The following COL23A1 variants were observed in gnomAD, a reference collection of about 807,000 sequenced individuals.
The protein encoded by COL23A1 is collagen type XXIII alpha 1 chain, also known as collagen alpha-1(XXIII) chain.
In COL23A1, 97 loss-of-function variants were observed where a neutral mutation model predicts 99.3. The observed-to-expected ratio is 0.98, with a 90% CI of 0.83 to 1.16. The LOEUF is 1.16. Among genes scored for constraint, COL23A1 ranks in the 50% most tolerant of loss-of-function variants. The pLI, the probability that COL23A1 is intolerant of heterozygous loss-of-function variation, is 0.00. For synonymous variants in COL23A1, 320 were observed against 308.2 expected, an observed-to-expected ratio of 1.04 and a Z score of -0.40; for missense variants, 762 against 757.4, an observed-to-expected ratio of 1.01 and a Z score of -0.07.
intron 2 of COL23A1, among the ~76,000 whole-genome samples, chr5:178,479,248 T>C (rs1393862725): frequency 6.6e-6 from 1 of 151,986 alleles, no homozygotes. Flanking sequence ...GAAATGGAGG[T>C]TCATAGGGGT....
At chr5:178,479,628 A>C (rs1252507959) in intron 2 of COL23A1, among the ~76,000 whole-genome samples, 2 of 152,196 alleles carry the variant, frequency 1.3e-5, no homozygotes, top group Non-Finnish European at 2.9e-5. Context: ...ACAAGTGGAG[A>C]AATGTGAATT....
At chr5:178,466,666 C>T (rs1412382377) in intron 2 of COL23A1, among the ~76,000 whole-genome samples, 1 of 152,234 alleles carries the variant, frequency 6.6e-6, no homozygotes, top group Non-Finnish European at 1.5e-5. Flanking sequence ...CTGCAGCCTG[C>T]AGCCCCTTGG....
intron 3 of COL23A1, among the ~76,000 whole-genome samples, chr5:178,299,328 CTT>C (rs1250233503): frequency 2.6e-5 from 4 of 152,180 alleles, no homozygotes; most frequent in African/African-American, 7.2e-5. Context: ...GAATCTTTCT[CTT>C]TGTTACAGGT....
chr5:178,296,254 A>G (rs1757733504), intron 3 of COL23A1, among the ~76,000 whole-genome samples: 1 of 152,182 alleles, frequency 6.6e-6, no homozygotes, highest in Admixed American at 6.5e-5. Context: ...AGCCCAGATG[A>G]GACGAAGGAG....
At chr5:178,256,624 G>A (rs962083498) in intron 14 of COL23A1, among the ~76,000 whole-genome samples, 1 of 152,210 alleles carries the variant, frequency 6.6e-6, no homozygotes, top group Admixed American at 6.5e-5. Flanking sequence ...TGGTGTCCAG[G>A]AGCCTGAGGC....
rs556099859 is a variant in COL23A1 at position 178,248,656 on chromosome 5, A to G, written c.1150-402T>C. Among the ~76,000 whole-genome samples the G allele has an allele frequency of 2.4e-4, 36 of 152,192 alleles. No individual in the cohort carries two copies. In the South Asian group the frequency reaches 7.3e-3, roughly 31 times the overall value. On this transcript the variant is annotated intron_variant, in intron 19 of 28. Coordinates refer to ENST00000390654, the MANE Select transcript of COL23A1 (RefSeq NM_173465.4). Reference sequence around the variant, plus strand: ...GAAAATCATGAGGACAACAGTGGGCATTTGCTGTGTGCCAGCCACCACTGT... The same window carrying G: ...GAAAATCATGAGGACAACAGTGGGCGTTTGCTGTGTGCCAGCCACCACTGT...
Position 178,590,233 on chromosome 5 carries a change from G to T in COL23A1, c.-36C>A. ...TCGCGCGTGGACTCTCCGAGGGGGCGGTGCTGCTGGGGCAGAGGCTGGGTG... is the reference window on the plus strand; with the variant it reads ...TCGCGCGTGGACTCTCCGAGGGGGCTGTGCTGCTGGGGCAGAGGCTGGGTG... On this transcript the variant is annotated 5_prime_UTR_variant, in exon 1 of 29. Coordinates refer to ENST00000390654, the MANE Select transcript of COL23A1 (RefSeq NM_173465.4). This position sits in a 1 kb window ranked among gnomAD's most constrained non-coding sequence, Gnocchi z 5.7. 8.3e-7 allele frequency: 1 copy of T among 1,206,482 alleles called. No individual in the cohort carries two copies. Among genetic ancestry groups the T allele is most frequent in the East Asian group, 3.4e-5 (1 of 29,020 alleles). The allele number at this position is 1,206,482 out of a possible 1,614,324, so 74.7% of individuals were successfully genotyped here. A position where few individuals can be genotyped will look rare whatever the true frequency, so the allele number is the denominator to read the frequency against.
chr5:178,560,574 ACGACAGC>A, intron 2 of COL23A1, 101 bp downstream of exon 2: 1 of 957,796 alleles, frequency 1.0e-6, no homozygotes, highest in Non-Finnish European at 1.6e-6. Context: ...GTGCACGAAG[ACGACAGC>A]CTGACACCCC....
intron 2 of COL23A1, among the ~76,000 whole-genome samples, chr5:178,551,718 T>C (rs900317633): frequency 2.6e-5 from 4 of 152,164 alleles, no homozygotes; most frequent in African/African-American, 9.7e-5. Flanking sequence ...ATTTAGGGGA[T>C]GCTGCAGTGA....
At chr5:178,533,402 T>A (rs1174524325) in intron 2 of COL23A1, among the ~76,000 whole-genome samples, 1 of 152,192 alleles carries the variant, frequency 6.6e-6, no homozygotes, top group Non-Finnish European at 1.5e-5. Context: ...CTACTCTAAC[T>A]GCTTCATGAA....
rs1763584145 is a variant in COL23A1 at position 178,384,849 on chromosome 5, T to C, written c.362-77930A>G. ...TGCCTTTTCCTAAAGCATTAAAAGG[T>C]CCGTAACAGAAAAGCGGGAAATAGC... On this transcript the variant is annotated intron_variant, in intron 2 of 28. Transcript: ENST00000390654. This position sits in a 1 kb window ranked among gnomAD's most constrained non-coding sequence, Gnocchi z 5.5. Among the ~76,000 whole-genome samples the C allele has an allele frequency of 6.6e-6, 1 of 152,018 alleles. No homozygotes were observed. The highest frequency in any genetic ancestry group is 1.5e-5 in the Non-Finnish European group (1 of 67,996).
At chr5:178,292,727 C>T (rs1454731643) in intron 3 of COL23A1, among the ~76,000 whole-genome samples, 2 of 152,134 alleles carry the variant, frequency 1.3e-5, no homozygotes, top group African/African-American at 4.8e-5. Flanking sequence ...ACAGCACAGC[C>T]AAGAGGATCT....
At chr5:178,278,123 A>G (rs1427338461) in intron 5 of COL23A1, among the ~76,000 whole-genome samples, 2 of 152,248 alleles carry the variant, frequency 1.3e-5, no homozygotes, top group African/African-American at 4.8e-5. Context: ...GGTGACCGCC[A>G]CAGCGTGGCC....
At position 178,408,298 on chromosome 5, in the gene COL23A1, AC is replaced by A. The variant is rs540492884; in HGVS notation, c.362-101380del. Among the ~76,000 whole-genome samples the A allele has an allele frequency of 1.1e-4, 16 of 152,356 alleles. No individual in the cohort carries two copies. The South Asian group carries it at 3.3e-3, about 32-fold the overall frequency. ...AATTAAGACAAGTTGTCACCAGCAG[AC>A]CTACCCTAAAAGAATGCCTAAAGCA... On this transcript the variant is annotated intron_variant, in intron 2 of 28. Transcript: ENST00000390654.
At chr5:178,433,361 G>A (rs935789105) in intron 2 of COL23A1, among the ~76,000 whole-genome samples, 2 of 152,162 alleles carry the variant, frequency 1.3e-5, no homozygotes, top group African/African-American at 4.8e-5. Flanking sequence ...GGGTCCACAG[G>A]GCAGTGTCTA....
At chr5:178,301,510 A>T (rs1758031071) in intron 3 of COL23A1, among the ~76,000 whole-genome samples, 1 of 152,196 alleles carries the variant, frequency 6.6e-6, no homozygotes, top group African/African-American at 2.4e-5. Context: ...TTTTGCTAAA[A>T]ATTGGACATC....
intron 3 of COL23A1, among the ~76,000 whole-genome samples, chr5:178,298,808 G>A (rs374650074): frequency 1.1e-4 from 16 of 152,192 alleles, no homozygotes; most frequent in South Asian, 2.1e-4. Context: ...CGATTTGCCC[G>A]CCTTGGCCTC....
intron 25 of COL23A1, among the ~76,000 whole-genome samples, chr5:178,242,605 T>A (rs1764467243): frequency 1.3e-5 from 2 of 152,220 alleles, no homozygotes. Flanking sequence ...CAGCTGGGCT[T>A]GCTCCAAAGT....
chr5:178,534,151 C>T (rs576271628), intron 2 of COL23A1, among the ~76,000 whole-genome samples: 2 of 152,158 alleles, frequency 1.3e-5, no homozygotes, highest in Non-Finnish European at 2.9e-5. Flanking sequence ...TTATTTCTTG[C>T]AGTTCTGGAG....
Sources: gnomAD v4.1 joint callset for allele counts (sites outside exome capture counted in the v4.1 genomes callset) on GRCh38, gnomAD v4.1.1 for gene constraint, Gnocchi (gnomAD v3.1) non-coding constraint, MANE v1.5 for transcripts, NCBI Gene and HGNC (gene_info 2026-07-23, HGNC 2026-07-21) for gene names.